GPC6: variants seen among roughly 807,000 people sequenced by gnomAD.
The protein encoded by GPC6 is glypican-6.
GPC6 carries 14 observed loss-of-function variants against 55.2 expected under a neutral mutation model. That is an observed-to-expected ratio of 0.25 (90% confidence interval 0.17 to 0.40). The LOEUF (loss-of-function observed/expected upper bound fraction) is 0.40. GPC6 is among the 10% of genes least tolerant of loss of function. The pLI, the probability that GPC6 is intolerant of heterozygous loss-of-function variation, is 1.00. For synonymous variants in GPC6, 278 were observed against 259.6 expected, an observed-to-expected ratio of 1.07 and a Z score of -0.68; for missense variants, 641 against 708.5, an observed-to-expected ratio of 0.90 and a Z score of 1.08.
chr13:94,398,557 A>C lies in GPC6; in HGVS notation c.1381A>C (p.Arg461=). 6.2e-7 allele frequency: 1 copy of C among 1,614,012 alleles called. No homozygotes were observed. The highest frequency in any genetic ancestry group is 8.5e-7 in the Non-Finnish European group (1 of 1,179,838). The change falls in exon 8 of 9, where the codon AGA becomes CGA. Residue 461 remains arginine, a synonymous_variant. Coordinates refer to ENST00000377047, the MANE Select transcript of GPC6 (RefSeq NM_005708.5). ...VDITRPDTFI[R]QQIMALRVMT... is the part of the protein sequence containing the mutation. ...CATCACTCGGCCTGACACTTTCATC[A>C]GACAGCAGATTATGGCTCTCCGTGT... is the stretch of plus-strand genomic sequence containing the variant.
intron 1 of GPC6, among the ~76,000 whole-genome samples, chr13:93,307,088 CT>C (rs1878885064): frequency 1.3e-5 from 2 of 151,816 alleles, no homozygotes; most frequent in Non-Finnish European, 2.9e-5. Context: ...AAGAGGTATC[CT>C]AGTTTCTATT....
intron 4 of GPC6, among the ~76,000 whole-genome samples, chr13:94,036,568 A>C (rs1883340890): frequency 6.6e-6 from 1 of 152,034 alleles, no homozygotes; most frequent in Admixed American, 6.6e-5. Flanking sequence ...TAAAATCTCA[A>C]GGCTCGGGAA....
chr13:94,366,193 A>G (rs1292754476), intron 6 of GPC6, among the ~76,000 whole-genome samples: 3 of 152,204 alleles, frequency 2.0e-5, no homozygotes, highest in Non-Finnish European at 4.4e-5. Flanking sequence ...TGTACATTTG[A>G]AGTAAGAGTT....
intron 4 of GPC6, among the ~76,000 whole-genome samples, chr13:94,207,864 G>A (rs1274951856): frequency 1.3e-5 from 2 of 152,238 alleles, no homozygotes; most frequent in Non-Finnish European, 2.9e-5. Flanking sequence ...TTATGTTGGT[G>A]CAAAAGTAAT....
At chr13:93,871,561 T>C (rs946087189) in intron 3 of GPC6, among the ~76,000 whole-genome samples, 2 of 151,982 alleles carry the variant, frequency 1.3e-5, no homozygotes, top group South Asian at 4.1e-4. Context: ...CACTTCACTA[T>C]AGAGTAAATT....
intron 3 of GPC6, among the ~76,000 whole-genome samples, chr13:93,882,519 T>C (rs1293637447): frequency 7.2e-5 from 11 of 152,128 alleles, no homozygotes; most frequent in Admixed American, 7.2e-4. Context: ...CTGTTAGATT[T>C]GTATGTTAGA....
chr13:93,932,944 A>G (rs894843884), intron 3 of GPC6, among the ~76,000 whole-genome samples: 3 of 151,326 alleles, frequency 2.0e-5, no homozygotes, highest in Non-Finnish European at 4.4e-5. Context: ...CAAGGTGTTA[A>G]CAGGGCTGTT....
At chr13:93,696,067 G>A (rs974774684) in intron 2 of GPC6, among the ~76,000 whole-genome samples, 4 of 152,038 alleles carry the variant, frequency 2.6e-5, no homozygotes, top group Non-Finnish European at 5.9e-5. Flanking sequence ...TTTCCTTTTT[G>A]AAATGTATTC....
chr13:94,069,404 G>T (rs1040971127), intron 4 of GPC6, among the ~76,000 whole-genome samples: 1 of 152,104 alleles, frequency 6.6e-6, no homozygotes, highest in Non-Finnish European at 1.5e-5. Flanking sequence ...CTGCAGCAAA[G>T]TTCTCTGACA....
chr13:93,831,833 G>A (rs1369025610), intron 3 of GPC6, among the ~76,000 whole-genome samples: 2 of 151,248 alleles, frequency 1.3e-5, no homozygotes. Context: ...GCTCACATCT[G>A]TAATCCCAGC....
At position 94,152,496 on chromosome 13, in the gene GPC6, A is replaced by AT. The variant is rs1026310432; in HGVS notation, c.877+124608dup. Among the ~76,000 whole-genome samples the AT allele has an allele frequency of 1.2e-4, 19 of 152,216 alleles. No individual in the cohort carries two copies. The East Asian group carries it at 1.5e-3, about 12-fold the overall frequency. ...AGGTATTAGAACTGTATTTTTTATG[A>AT]TTTTTTAAAAACATCATTTACCCCA... On this transcript the variant is annotated intron_variant, in intron 4 of 8. Coordinates refer to ENST00000377047, the MANE Select transcript of GPC6 (RefSeq NM_005708.5).
intron 4 of GPC6, among the ~76,000 whole-genome samples, chr13:94,283,757 G>T (rs988756811): frequency 1.3e-5 from 2 of 152,222 alleles, no homozygotes. Flanking sequence ...AGGATCTGCT[G>T]ATCATTAGCT....
chr13:94,332,911 A>G (rs1335715811), intron 6 of GPC6, among the ~76,000 whole-genome samples: 2 of 152,104 alleles, frequency 1.3e-5, no homozygotes, highest in Non-Finnish European at 2.9e-5. Context: ...GTTATGAGAG[A>G]GGTTAACATT....
intron 4 of GPC6, among the ~76,000 whole-genome samples, chr13:94,272,136 C>G (rs1019335577): frequency 1.3e-5 from 2 of 152,022 alleles, no homozygotes; most frequent in African/African-American, 4.8e-5. Flanking sequence ...GAAAAAAGGG[C>G]TCCCATTGCT....
chr13:93,369,601 C>T (rs571718470), intron 1 of GPC6, among the ~76,000 whole-genome samples: 3 of 152,158 alleles, frequency 2.0e-5, no homozygotes, highest in African/African-American at 2.4e-5. Context: ...ATGAAATACT[C>T]GTAGGTGATA....
chr13:93,622,862 A>C (rs1232452673), intron 2 of GPC6, among the ~76,000 whole-genome samples: 1 of 152,108 alleles, frequency 6.6e-6, no homozygotes, highest in Non-Finnish European at 1.5e-5. Context: ...TATTTCTGCT[A>C]TCTATTTGTA....
At chr13:93,623,249 C>A (rs1162512964) in intron 2 of GPC6, among the ~76,000 whole-genome samples, 2 of 152,008 alleles carry the variant, frequency 1.3e-5, no homozygotes, top group Non-Finnish European at 2.9e-5. Flanking sequence ...GTGCAGATAT[C>A]TCCTTGACAT....
intron 1 of GPC6, among the ~76,000 whole-genome samples, chr13:93,261,554 A>C (rs780035332): frequency 6.6e-6 from 1 of 152,218 alleles, no homozygotes; most frequent in Non-Finnish European, 1.5e-5. Flanking sequence ...CCACTTTTAG[A>C]TAAATATATT....
chr13:93,783,129 A>G (rs936983078), intron 2 of GPC6, among the ~76,000 whole-genome samples: 15 of 152,122 alleles, frequency 9.9e-5, no homozygotes, highest in Non-Finnish European at 2.2e-4. Flanking sequence ...GGCTTCATCC[A>G]TGTCTGCAAA....
Sources: allele counts gnomAD v4.1 joint callset (sites outside exome capture counted in the v4.1 genomes callset), GRCh38; gene constraint gnomAD v4.1.1; transcripts MANE v1.5; gene names NCBI Gene and HGNC (gene_info 2026-07-23, HGNC 2026-07-21).